The following ZNF354B variants were observed in gnomAD, a reference collection of about 807,000 sequenced individuals.
ZNF354B encodes zinc finger protein 354B.
Under a neutral mutation model 12.9 loss-of-function variants are expected in ZNF354B, and 10 were observed. The ratio of observed to expected loss-of-function variants is 0.77; its 90% CI spans 0.48 to 1.31. The LOEUF (loss-of-function observed/expected upper bound fraction) is 1.31. ZNF354B is among the 40% of genes most tolerant of loss of function. ZNF354B has a pLI of 0.00. For synonymous variants in ZNF354B, 260 were observed against 243.7 expected (o/e 1.07, Z -0.62); for missense variants, 614 against 711.7 (o/e 0.86, Z 1.56).
intron 3 of ZNF354B, among the ~76,000 whole-genome samples, 155 bp downstream of exon 3, chr5:178,866,525 T>G (rs1184164030): frequency 6.6e-6 from 1 of 152,170 alleles, no homozygotes; most frequent in African/African-American, 2.4e-5. Context: ...TAACTTAACT[T>G]TCTCCTAATA....
At position 178,867,088 on chromosome 5, in the gene ZNF354B, A is replaced by C. The variant is rs1160054299; in HGVS notation, c.256+17A>C. 1 of 1,607,620 alleles carries C rather than the reference A, an allele frequency of 6.2e-7. No individual in the cohort carries two copies. The highest frequency in any genetic ancestry group is 2.2e-5 in the East Asian group (1 of 44,820). ...CCTCTCTAGGTAAGTGGGTGGCCCGAGGTGCTCGGGAATGGCCGCAGACAA... is the reference window on the plus strand; with the variant it reads ...CCTCTCTAGGTAAGTGGGTGGCCCGCGGTGCTCGGGAATGGCCGCAGACAA... On this transcript the variant is annotated intron_variant, in intron 4 of 4. Coordinates refer to ENST00000322434, the MANE Select transcript of ZNF354B (RefSeq NM_058230.3).
At chr5:178,860,415 C>T (rs1757328067) in intron 1 of ZNF354B, among the ~76,000 whole-genome samples, 1 of 150,454 alleles carries the variant, frequency 6.6e-6, no homozygotes, top group Non-Finnish European at 1.5e-5. Context: ...GCGCCGGGAC[C>T]CCGAGCGCAG....
chr5:178,874,585 G>C (rs1171286424), intron 4 of ZNF354B, among the ~76,000 whole-genome samples: 1 of 152,092 alleles, frequency 6.6e-6, no homozygotes, highest in Non-Finnish European at 1.5e-5. Context: ...AGCTCTATTA[G>C]ATCAGTTTGG....
intron 4 of ZNF354B, among the ~76,000 whole-genome samples, chr5:178,874,442 A>G (rs1043498573): frequency 6.6e-6 from 1 of 151,860 alleles, no homozygotes; most frequent in African/African-American, 2.4e-5. Context: ...ATTGGTTTTT[A>G]TTCTTTTTCT....
In ZNF354B at chr5:178,883,464, A is replaced by T. The variant is rs1757752527; in HGVS notation, c.1012A>T (p.Ser338Cys). 1 of 1,614,000 alleles carries T rather than the reference A, an allele frequency of 6.2e-7. No homozygotes were observed. Among genetic ancestry groups the T allele is most frequent in the South Asian group, 1.1e-5 (1 of 91,086 alleles). Reference protein sequence around the residue: ...YNPGRKASSYSTSLSGSQKIH... With the variant: ...YNPGRKASSYCTSLSGSQKIH... ...TCCAGGCAGGAAGGCATCCAGTTAC[A>T]GCACTTCCCTTTCTGGAAGTCAGAA... The change falls in exon 5 of 5, where the codon AGC becomes TGC. Residue 338 changes from serine to cysteine, a missense_variant. Transcript: ENST00000322434.
rs1581818867 is a variant in ZNF354B, at chr5:178,884,995, C to T, written c.*704C>T. 6.6e-6 allele frequency: 1 copy of T among 152,176 alleles called. No homozygotes were observed. Among genetic ancestry groups the T allele is most frequent in the Admixed American group, 6.5e-5 (1 of 15,270 alleles). 9.4% of individuals were successfully genotyped at this position (152,176 alleles called of 1,614,324 possible). A position where few individuals can be genotyped will look rare whatever the true frequency, so the allele number is the denominator to read the frequency against. On this transcript the variant is annotated 3_prime_UTR_variant, in exon 5 of 5. Transcript: ENST00000322434. The stretch of plus-strand genomic sequence containing the variant: ...TCCTGACTTACTGTCAAACTTCGTG[C>T]ATGGCTTTTATTAAAAAAGAAAAAA...
chr5:178,870,452 A>AT (rs1303679338), intron 4 of ZNF354B, among the ~76,000 whole-genome samples: 8 of 152,040 alleles, frequency 5.3e-5, no homozygotes, highest in Non-Finnish European at 7.4e-5. Context: ...AATTTTTGGC[A>AT]TTTTTTTAGT....
chr5:178,872,493 A>T (rs938619411), intron 4 of ZNF354B, among the ~76,000 whole-genome samples: 1 of 152,206 alleles, frequency 6.6e-6, no homozygotes. Flanking sequence ...TTTCTGTGTG[A>T]TAAATGCCCA....
rs1043192374 is a variant in ZNF354B at position 178,866,828 on chromosome 5, C to T, written c.161-148C>T. The T allele has an allele frequency of 1.0e-5, 7 of 703,202 alleles. No individual in the cohort carries two copies. In the Admixed American group the frequency reaches 1.9e-4, roughly 19 times the overall value. The allele number at this position is 703,202 out of a possible 1,614,324, so 43.6% of individuals were successfully genotyped here. A position where few individuals can be genotyped will look rare whatever the true frequency, so the allele number is the denominator to read the frequency against. On this transcript the variant is annotated intron_variant, in intron 3 of 4. Transcript: ENST00000322434. ...AAAAAAAGTTACTTGATAGATCATT[C>T]TATAGATGCCAGTTTATAAGTTTTA...
intron 2 of ZNF354B, among the ~76,000 whole-genome samples, chr5:178,864,563 T>G (rs935533579): frequency 6.6e-6 from 1 of 152,152 alleles, no homozygotes; most frequent in African/African-American, 2.4e-5. Context: ...CCCCACCATC[T>G]GGAGATAATC....
chr5:178,862,187 C>G (rs1241612700), intron 2 of ZNF354B, among the ~76,000 whole-genome samples: 1 of 151,940 alleles, frequency 6.6e-6, no homozygotes, highest in East Asian at 1.9e-4. Flanking sequence ...AATTACAATT[C>G]TTGTTTTACA....
At chr5:178,879,986 C>T (rs1444843902) in intron 4 of ZNF354B, among the ~76,000 whole-genome samples, 7 of 146,150 alleles carry the variant, frequency 4.8e-5, no homozygotes, top group East Asian at 2.0e-4. Context: ...ATTAGCTGGG[C>T]GTGGTGGCAT....
Position 178,866,309 on chromosome 5 carries a change from T to C in ZNF354B, c.99T>C (p.Pro33=), listed in dbSNP as rs1757453110. ...FTWDEWRKLA[P]SQRNLYRDVM... ...GGGATGAGTGGAGAAAGCTGGCTCCTTCTCAGAGAAACTTGTACCGGGATG... is the reference window on the plus strand; with the variant it reads ...GGGATGAGTGGAGAAAGCTGGCTCCCTCTCAGAGAAACTTGTACCGGGATG... Residue 33 remains proline (P), a synonymous_variant, in exon 3 of 5, where the codon CCT becomes CCC. Coordinates refer to ENST00000322434, the MANE Select transcript of ZNF354B (RefSeq NM_058230.3). The C allele has an allele frequency of 6.2e-7, 1 of 1,614,130 alleles. No individual in the cohort carries two copies. The highest frequency in any genetic ancestry group is 2.2e-5 in the East Asian group (1 of 44,874).
At position 178,883,494 on chromosome 5, in the gene ZNF354B, C is replaced by A. The variant is rs766388971; in HGVS notation, c.1042C>A (p.His348Asn). ...STSLSGSQKI[H>N]LRKKSYLCNE... ...TTCCCTTTCTGGAAGTCAGAAAATTCATCTCAGAAAGAAGTCCTACTTATG... is the reference window on the plus strand; with the variant it reads ...TTCCCTTTCTGGAAGTCAGAAAATTAATCTCAGAAAGAAGTCCTACTTATG... The change falls in exon 5 of 5, where the codon CAT (histidine) becomes AAT (asparagine). Residue 348 changes from histidine (H) to asparagine (N), a missense_variant. Transcript: ENST00000322434. The A allele has an allele frequency of 1.2e-6, 2 of 1,614,120 alleles. No individual in the cohort carries two copies. The highest frequency in any genetic ancestry group is 2.2e-5 in the South Asian group (2 of 91,080).
At position 178,883,930 on chromosome 5, in the gene ZNF354B, C is replaced by A. The variant is rs765977506; in HGVS notation, c.1478C>A (p.Pro493His). Residue 493 changes from proline to histidine, a missense_variant, in exon 5 of 5, where the codon CCC becomes CAC. By Grantham distance (77) the Pro-to-His change is moderately conservative. Transcript: ENST00000322434. ...QHQRMHTGER[P>H]YKCNECDKTF... ...CAGAGAATGCATACTGGAGAAAGAC[C>A]CTATAAGTGTAACGAATGTGACAAA... 6.2e-7 allele frequency: 1 copy of A among 1,613,900 alleles called. No homozygotes were observed. The highest frequency in any genetic ancestry group is 1.3e-5 in the African/African-American group (1 of 74,894).
intron 1 of ZNF354B, among the ~76,000 whole-genome samples, chr5:178,860,442 C>T (rs1225366310): frequency 1.3e-5 from 2 of 152,128 alleles, no homozygotes; most frequent in African/African-American, 2.4e-5. Flanking sequence ...GGCAGCCGGG[C>T]CCGGTTTCTG....
In ZNF354B at chr5:178,882,903, A is replaced by G; in HGVS notation, c.451A>G (p.Ile151Val). ...AATAATTTCAGTTGCCCATACAAAAATCCTTACTGTAGATAGAAGCCATAA... is the reference window on the plus strand; with the variant it reads ...AATAATTTCAGTTGCCCATACAAAAGTCCTTACTGTAGATAGAAGCCATAA... ...LQIISVAHTK[I>V]LTVDRSHKNV... Residue 151 changes from isoleucine to valine, a missense_variant, in exon 5 of 5, where the codon ATC (isoleucine) becomes GTC (valine). Physicochemically the swap from Ile to Val is conservative, Grantham distance 29. Transcript: ENST00000322434. 2 of 1,599,820 alleles carry G rather than the reference A, an allele frequency of 1.3e-6. No homozygotes were observed. The highest frequency in any genetic ancestry group is 1.7e-6 in the Non-Finnish European group (2 of 1,176,708).
chr5:178,882,986 A>T lies in ZNF354B; in HGVS notation c.534A>T (p.Arg178Ser). 1.9e-6 allele frequency: 3 copies of T among 1,608,098 alleles called. No individual in the cohort carries two copies. The highest frequency in any genetic ancestry group is 2.5e-6 in the Non-Finnish European group (3 of 1,178,680). Residue 178 changes from arginine to serine, a missense_variant, in exon 5 of 5, where the codon AGA becomes AGT. By Grantham distance (110) the Arg-to-Ser change is moderately radical. Transcript: ENST00000322434. ...AATCAGTCTTCATTAAGCAACAGAG[A>T]TTTGCTAAAGAAAAAACTCCATCAA... ...YLKSVFIKQQ[R>S]FAKEKTPSKC... is the part of the protein sequence containing the mutation.
Position 178,883,040 on chromosome 5 carries a change from G to A in ZNF354B, c.588G>A (p.Lys196=). Residue 196 remains lysine (K), a synonymous_variant, in exon 5 of 5, where the codon AAG becomes AAA. Transcript: ENST00000322434. ...GTGAAATACAAAGAAATAGTTTCAA[G>A]CAGAATTCAAATTTACTTAACCAAT... ...SKCEIQRNSF[K]QNSNLLNQSK... 1.2e-6 allele frequency: 2 copies of A among 1,607,476 alleles called. No homozygotes were observed. The highest frequency in any genetic ancestry group is 1.7e-6 in the Non-Finnish European group (2 of 1,178,488).
Sources: allele counts gnomAD v4.1 joint callset (sites outside exome capture counted in the v4.1 genomes callset), GRCh38; gene constraint gnomAD v4.1.1; transcripts MANE v1.5; gene names NCBI Gene and HGNC (gene_info 2026-07-23, HGNC 2026-07-21).